P3H2: variants seen among roughly 807,000 people sequenced by gnomAD.
The protein encoded by P3H2 is prolyl 3-hydroxylase 2, also known as leprecan-like 1.
A neutral mutation model predicts 87.0 loss-of-function variants in P3H2; 80 were observed. The ratio of observed to expected loss-of-function variants is 0.92; its 90% confidence interval spans 0.77 to 1.11. The LOEUF is 1.11. Ranked by LOEUF, P3H2 falls within the 50% of genes least tolerant of loss-of-function variation. The pLI is 0.00. For missense variants in P3H2, 1,001 were observed against 923.9 expected (o/e 1.08, Z -1.08); for synonymous variants, 367 against 359.3 (o/e 1.02, Z -0.24).
In P3H2 at chr3:190,082,248, T is replaced by G. The variant is rs918713127; in HGVS notation, c.480+38004A>C. On this transcript the variant is annotated intron_variant, in intron 1 of 14. Transcript: ENST00000319332. The stretch of plus-strand genomic sequence containing the variant: ...TCCAGCCTGAGTGACAGAACAACAT[T>G]CTGCCTCAAAAACAAAACAAAACAA... 2.6e-5 allele frequency among the ~76,000 whole-genome samples: 4 copies of G among 152,034 alleles called. No homozygotes were observed. The East Asian group carries it at 7.7e-4, about 29-fold the overall frequency.
At chr3:189,978,254 A>C (rs1723412892) in intron 8 of P3H2, among the ~76,000 whole-genome samples, 1 of 152,248 alleles carries the variant, frequency 6.6e-6, no homozygotes, top group South Asian at 2.1e-4. Flanking sequence ...TTTTAAACAT[A>C]ATTAGCTTAT....
intron 1 of P3H2, among the ~76,000 whole-genome samples, chr3:190,034,586 G>C (rs1725357383): frequency 1.9e-5 from 1 of 52,740 alleles, no homozygotes; most frequent in Non-Finnish European, 3.7e-5. Flanking sequence ...CAAAACTTGA[G>C]GAAGAAAGAA....
intron 1 of P3H2, among the ~76,000 whole-genome samples, chr3:190,037,889 C>T (rs1283807965): frequency 7.2e-6 from 1 of 138,146 alleles, no homozygotes; most frequent in Non-Finnish European, 1.5e-5. Flanking sequence ...ATAACAATAT[C>T]GATAAGCCAT....
At chr3:190,025,981 G>A (rs903679026) in intron 1 of P3H2, among the ~76,000 whole-genome samples, 8 of 152,128 alleles carry the variant, frequency 5.3e-5, no homozygotes, top group African/African-American at 1.9e-4. Flanking sequence ...ACCTTTTAGA[G>A]TTGCTAACTT....
rs139101085 is a variant in P3H2 at position 189,969,094 on chromosome 3, A to G, written c.1893+1722T>C. The G allele has an allele frequency of 7.4e-4, 364 of 494,170 alleles. 2 individuals carry two copies. Among genetic ancestry groups the G allele is most frequent in the African/African-American group, 6.4e-3 (331 of 51,468 alleles). 30.6% of individuals were successfully genotyped at this position (494,170 alleles called of 1,614,324 possible). A position where few individuals can be genotyped will look rare whatever the true frequency, so the allele number is the denominator to read the frequency against. ...GGTTTTTGACCATTCCATGGATCCT[A>G]TCTGAGGTATGGCAGTGAGCAGTAA... On this transcript the variant is annotated intron_variant, in intron 13 of 14. Transcript: ENST00000319332.
rs114279662 is a variant in P3H2, at chr3:190,068,012, A to G, written c.480+52240T>C. Among the ~76,000 whole-genome samples the G allele has an allele frequency of 2.3e-3, 345 of 152,260 alleles. 2 individuals are homozygous for G. Among genetic ancestry groups the G allele is most frequent in the African/African-American group, 8.0e-3 (332 of 41,570 alleles). On this transcript the variant is annotated intron_variant, in intron 1 of 14. Transcript: ENST00000319332. ...GTTAGATTTTTCATATGATAACAAT[A>G]AAATATACAACTTTTTAATTTAATT... is the stretch of plus-strand genomic sequence containing the variant.
chr3:190,042,388 G>A (rs1252701727), intron 1 of P3H2, among the ~76,000 whole-genome samples: 1 of 151,966 alleles, frequency 6.6e-6, no homozygotes. Context: ...TGTGTCCTTG[G>A]TGTCAGGATA....
intron 1 of P3H2, among the ~76,000 whole-genome samples, chr3:190,039,231 C>A (rs1193308525): frequency 3.3e-5 from 5 of 151,704 alleles, no homozygotes; most frequent in Non-Finnish European, 7.4e-5. Context: ...TAAGGAAGGA[C>A]AATTTTATGG....
chr3:189,988,538 G>A (rs1368693395), intron 4 of P3H2, among the ~76,000 whole-genome samples: 1 of 152,052 alleles, frequency 6.6e-6, no homozygotes, highest in Admixed American at 6.5e-5. Flanking sequence ...TTTATGACTT[G>A]AGCACGTGAT....
chr3:190,107,987 T>G (rs1423684833), intron 1 of P3H2, among the ~76,000 whole-genome samples: 2 of 152,132 alleles, frequency 1.3e-5, no homozygotes, highest in Non-Finnish European at 2.9e-5. Context: ...TATTTTTTTT[T>G]TTAGACACAG....
intron 1 of P3H2, among the ~76,000 whole-genome samples, chr3:190,028,936 G>A (rs1725169734): frequency 6.6e-6 from 1 of 152,222 alleles, no homozygotes. Flanking sequence ...GGGCTACACA[G>A]TCTAGGGAGA....
Position 189,982,126 on chromosome 3 carries a change from A to G in P3H2, c.1324+920T>C, listed in dbSNP as rs1232642291. Among the ~76,000 whole-genome samples, 3 of 152,320 alleles carry G rather than the reference A, an allele frequency of 2.0e-5. No individual in the cohort carries two copies. The East Asian group carries it at 5.8e-4, about 29-fold the overall frequency. On this transcript the variant is annotated intron_variant, in intron 8 of 14. Transcript: ENST00000319332. The stretch of plus-strand genomic sequence containing the variant: ...AATAGGTGATATATTTTTGATATCT[A>G]CACAATTCTATGTTTCATGCAGCAG...
upstream of P3H2, among the ~76,000 whole-genome samples, chr3:190,121,242 C>G (rs2108532972): frequency 1.3e-5 from 2 of 152,062 alleles, no homozygotes; most frequent in East Asian, 3.9e-4. Flanking sequence ...CTAAATGAAG[C>G]CTGGAGCGCC....
chr3:190,073,347 A>G (rs1424508665), intron 1 of P3H2, among the ~76,000 whole-genome samples: 1 of 152,212 alleles, frequency 6.6e-6, no homozygotes, highest in Non-Finnish European at 1.5e-5. Flanking sequence ...TTCCACAGAT[A>G]AGAAGTGCTG....
chr3:190,104,265 A>G (rs1012885246), intron 1 of P3H2, among the ~76,000 whole-genome samples: 2 of 152,142 alleles, frequency 1.3e-5, no homozygotes, highest in South Asian at 4.1e-4. Flanking sequence ...GATAATATCT[A>G]TCCTACTCCA....
intron 14 of P3H2, among the ~76,000 whole-genome samples, chr3:189,959,344 C>T (rs865677): frequency 0.29 from 41,930 of 146,050 alleles, 6,103 homozygotes; most frequent in African/African-American, 0.35. Context: ...CATGCTGGTG[C>T]GCTGCACCCA....
At chr3:189,971,586 T>C (rs927137605) in intron 12 of P3H2, 1 of 376,580 alleles carries the variant, frequency 2.7e-6, no homozygotes, top group Non-Finnish European at 5.1e-6. Context: ...CTGAAATACA[T>C]ATACCACAAG....
intron 1 of P3H2, among the ~76,000 whole-genome samples, chr3:189,999,379 A>T (rs916260220): frequency 6.6e-6 from 1 of 152,218 alleles, no homozygotes; most frequent in African/African-American, 2.4e-5. Context: ...GGAAACTAGA[A>T]TTTGCTGCCA....
At chr3:190,052,123 G>C (rs1171434559) in intron 1 of P3H2, among the ~76,000 whole-genome samples, 1 of 152,182 alleles carries the variant, frequency 6.6e-6, no homozygotes, top group Non-Finnish European at 1.5e-5. Context: ...TGCAGAACGT[G>C]CAGGATTGTT....
Sources: allele counts gnomAD v4.1 joint callset (sites outside exome capture counted in the v4.1 genomes callset), GRCh38; gene constraint gnomAD v4.1.1; transcripts MANE v1.5; gene names NCBI Gene and HGNC (gene_info 2026-07-23, HGNC 2026-07-21).